The following TTI1 variants were observed in gnomAD, a reference collection of about 807,000 sequenced individuals.
The protein encoded by TTI1 is TELO2-interacting protein 1 homolog.
Under a neutral mutation model 85.4 loss-of-function variants are expected in TTI1, and 52 were observed. The observed-to-expected ratio is 0.61, with a 90% CI of 0.49 to 0.77. The LOEUF (loss-of-function observed/expected upper bound fraction) is 0.77, where lower values mean the gene tolerates loss of function less well. Among genes scored for constraint, TTI1 ranks in the 30% least tolerant of loss-of-function variants. TTI1 has a pLI of 0.00. For synonymous variants in TTI1, 512 were observed against 503.9 expected, an observed-to-expected ratio of 1.02 and a Z score of -0.22; for missense variants, 1,173 against 1,296.0, an observed-to-expected ratio of 0.91 and a Z score of 1.46.
At position 38,011,786 on chromosome 20, in the gene TTI1, G is replaced by A. The variant is rs138720334; in HGVS notation, c.2031C>T (p.Asp677=). The A allele has an allele frequency of 2.5e-5, 40 of 1,614,074 alleles. No homozygotes were observed. The highest frequency in any genetic ancestry group is 3.1e-5 in the Non-Finnish European group (36 of 1,180,044). The change falls in exon 2 of 8, where the codon GAC becomes GAT. Residue 677 remains aspartate (D), a synonymous_variant. Transcript: ENST00000373447. ...ISQVATSTMM[D]VCRACGYDSL... The stretch of plus-strand genomic sequence containing the variant: ...AGTCGTAGCCACAAGCACGGCAAAC[G>A]TCCATCATGGTGCTGGTAGCCACCT...
At position 38,011,676 on chromosome 20, in the gene TTI1, T is replaced by A; in HGVS notation, c.2141A>T (p.His714Leu). 1 of 1,614,150 alleles carries A rather than the reference T, an allele frequency of 6.2e-7. No individual in the cohort carries two copies. Among genetic ancestry groups the A allele is most frequent in the Non-Finnish European group, 8.5e-7 (1 of 1,180,034 alleles). The change falls in exon 2 of 8, where the codon CAT (histidine) becomes CTT (leucine). Residue 714 changes from histidine (H) to leucine (L), a missense_variant. Transcript: ENST00000373447. ...LNLRHLALHP[H>L]TPKVLEVMLR... ...CATGACTTCCAGGACCTTTGGGGTATGAGGATGCAGAGCCAGATGACGCAG... is the reference window on the plus strand; with the variant it reads ...CATGACTTCCAGGACCTTTGGGGTAAGAGGATGCAGAGCCAGATGACGCAG...
chr20:38,024,583 A>G (rs1376940861), intron 1 of TTI1, among the ~76,000 whole-genome samples: 3 of 152,166 alleles, frequency 2.0e-5, no homozygotes, highest in African/African-American at 4.8e-5. Flanking sequence ...TCTCTAGCCA[A>G]AGGAGTAGGG....
rs372827675 is a variant in TTI1, at chr20:38,011,543, G to T, written c.2274C>A (p.Ser758Arg). The change falls in exon 2 of 8, where the codon AGC (serine) becomes AGA (arginine). Residue 758 changes from serine (S) to arginine (R), a missense_variant. By Grantham distance (110) the Ser-to-Arg change is moderately radical. Coordinates refer to ENST00000373447, the MANE Select transcript of TTI1 (RefSeq NM_001303457.2). Reference protein sequence around the residue: ...FYDKRAASFVSVLHALMAALA... With the variant: ...FYDKRAASFVRVLHALMAALA... ...ATGCTGCCATCAGAGCATGCAGAACGCTGACAAAGGAAGCAGCTCTCTTAT... is the reference window on the plus strand; with the variant it reads ...ATGCTGCCATCAGAGCATGCAGAACTCTGACAAAGGAAGCAGCTCTCTTAT... 3 of 1,614,148 alleles carry T rather than the reference G, an allele frequency of 1.9e-6. No individual in the cohort carries two copies. Among genetic ancestry groups the T allele is most frequent in the Non-Finnish European group, 8.5e-7 (1 of 1,180,014 alleles).
At chr20:37,987,382 G>A (rs775540023) in intron 7 of TTI1, 21 of 456,554 alleles carry the variant, frequency 4.6e-5, no homozygotes, top group South Asian at 2.0e-4. Context: ...TACATTTTGC[G>A]ATGCGCAGGG....
At chr20:37,985,530 T>C (rs1202798454) in intron 7 of TTI1, among the ~76,000 whole-genome samples, 2 of 135,810 alleles carry the variant, frequency 1.5e-5, no homozygotes, top group Non-Finnish European at 3.1e-5. Flanking sequence ...GGGCACTGAA[T>C]TTTTTTTTTT....
At chr20:38,032,140 G>A (rs2073917722) in intron 1 of TTI1, among the ~76,000 whole-genome samples, 1 of 152,192 alleles carries the variant, frequency 6.6e-6, no homozygotes, top group South Asian at 2.1e-4. Context: ...TTAGTAATGT[G>A]ATCTTGGGTA....
chr20:38,010,493 CAG>C (rs1317458545), intron 2 of TTI1, among the ~76,000 whole-genome samples: 1 of 106,690 alleles, frequency 9.4e-6, no homozygotes, highest in Non-Finnish European at 1.8e-5. Flanking sequence ...TTTTTTGAGA[CAG>C]AGTCTCACTC....
intron 1 of TTI1, among the ~76,000 whole-genome samples, chr20:38,014,835 G>A (rs2073658168): frequency 6.6e-6 from 1 of 152,162 alleles, no homozygotes; most frequent in Admixed American, 6.5e-5. Context: ...ATAAACAGAG[G>A]GCTTGAGGAG....
chr20:38,029,568 A>AAG (rs60021792), intron 1 of TTI1, among the ~76,000 whole-genome samples: 35,956 of 149,066 alleles, frequency 0.24, 5,287 homozygotes, highest in African/African-American at 0.44. Flanking sequence ...GTGAGTGAGC[A>AAG]AGAGAGAGAG....
Position 37,983,323 on chromosome 20 carries a change from T to C in TTI1, c.*133A>G. On this transcript the variant is annotated 3_prime_UTR_variant, in exon 8 of 8. Coordinates refer to ENST00000373447, the MANE Select transcript of TTI1 (RefSeq NM_001303457.2). ...TCTAAGCAGTTGTGTGATCGATCAA[T>C]TTATAAATCGATTGGCTAACTAATT... 1 of 852,134 alleles carries C rather than the reference T, an allele frequency of 1.2e-6. No homozygotes were observed. The allele number at this position is 852,134 out of a possible 1,614,324, so 52.8% of individuals were successfully genotyped here. A position where few individuals can be genotyped will look rare whatever the true frequency, so the allele number is the denominator to read the frequency against.
intron 2 of TTI1, among the ~76,000 whole-genome samples, chr20:38,010,386 T>G (rs528944169): frequency 3.3e-5 from 5 of 152,258 alleles, no homozygotes; most frequent in Non-Finnish European, 5.9e-5. Context: ...GCTATACAGC[T>G]TATTATTTTC....
intron 3 of TTI1, 138 bp from the exon 4 acceptor site, chr20:38,002,914 G>C: frequency 1.7e-6 from 2 of 1,178,488 alleles, no homozygotes; most frequent in Non-Finnish European, 2.4e-6. Context: ...CTCCACTCAA[G>C]GGGGAATAGG....
chr20:38,012,402 T>C lies in TTI1; in HGVS notation c.1415A>G (p.Gln472Arg). The stretch of plus-strand genomic sequence containing the variant: ...AGTGAAGAAGCGGAAATATCTCCTC[T>C]GGATGCGGTTCCAAGGCTGTGTGGC... ...TSATQPWNRI[Q>R]RRYFRFFTDE... The change falls in exon 2 of 8, where the codon CAG becomes CGG. Residue 472 changes from glutamine (Q) to arginine (R), a missense_variant. Coordinates refer to ENST00000373447, the MANE Select transcript of TTI1 (RefSeq NM_001303457.2). 2 of 1,614,208 alleles carry C rather than the reference T, an allele frequency of 1.2e-6. No individual in the cohort carries two copies. Among genetic ancestry groups the C allele is most frequent in the Non-Finnish European group, 1.7e-6 (2 of 1,180,036 alleles).
intron 7 of TTI1, among the ~76,000 whole-genome samples, chr20:37,988,774 G>A (rs2073224891): frequency 6.6e-6 from 1 of 152,176 alleles, no homozygotes; most frequent in Non-Finnish European, 1.5e-5. Flanking sequence ...TAAATGCAGT[G>A]GGAAAGTAAG....
At chr20:38,011,166 AC>A (rs1361309316) in intron 2 of TTI1, among the ~76,000 whole-genome samples, 1 of 152,222 alleles carries the variant, frequency 6.6e-6, no homozygotes, top group Non-Finnish European at 1.5e-5. Context: ...ACTGGAAAGA[AC>A]AAAACTGTCA....
intron 1 of TTI1, among the ~76,000 whole-genome samples, chr20:38,027,712 G>A (rs1193757550): frequency 2.0e-5 from 3 of 152,092 alleles, no homozygotes; most frequent in East Asian, 1.9e-4. Flanking sequence ...ATCACCCGAC[G>A]TCAGGAGTTC....
intron 6 of TTI1, 129 bp from the exon 7 acceptor site, chr20:37,996,591 A>C: frequency 7.1e-7 from 1 of 1,400,608 alleles, no homozygotes; most frequent in Admixed American, 1.8e-5. Context: ...CATCCCGCCA[A>C]AGAACACATC....
chr20:38,012,354 A>C lies in TTI1; in HGVS notation c.1463T>G (p.Leu488Trp). ...FFTDERIFMLLRQVCQLLGYY... is the reference protein window; with the variant it reads ...FFTDERIFMLWRQVCQLLGYY... ...ACCAAGTAGCTGACAAACCTGCCTC[A>C]AGAGCATGAAGATTCTCTCATCAGT... Residue 488 changes from leucine (L) to tryptophan (W), a missense_variant, in exon 2 of 8, where the codon TTG (leucine) becomes TGG (tryptophan). Leu to Trp is a moderately conservative substitution (Grantham distance 61). Coordinates refer to ENST00000373447, the MANE Select transcript of TTI1 (RefSeq NM_001303457.2). 1 of 1,614,224 alleles carries C rather than the reference A, an allele frequency of 6.2e-7. No homozygotes were observed. The highest frequency in any genetic ancestry group is 2.2e-5 in the East Asian group (1 of 44,886).
At chr20:37,997,993 G>C (rs1187432197) in intron 5 of TTI1, among the ~76,000 whole-genome samples, 1 of 152,062 alleles carries the variant, frequency 6.6e-6, no homozygotes, top group Admixed American at 6.5e-5. Context: ...GCAGTGGCAC[G>C]ATCTTGGCTC....
Sources: gnomAD v4.1 joint callset for allele counts (sites outside exome capture counted in the v4.1 genomes callset) on GRCh38, gnomAD v4.1.1 for gene constraint, MANE v1.5 for transcripts, NCBI Gene and HGNC (gene_info 2026-07-23, HGNC 2026-07-21) for gene names.